Variants in SLC35F3 observed in about 807,000 individuals in gnomAD.
The protein encoded by SLC35F3 is putative thiamine transporter SLC35F3.
SLC35F3 carries 25 observed loss-of-function variants against 49.9 expected under a neutral mutation model. The observed-to-expected ratio is 0.50, with a 90% CI of 0.37 to 0.70. The LOEUF (loss-of-function observed/expected upper bound fraction) is 0.70, where lower values mean the gene tolerates loss of function less well. Among genes scored for constraint, SLC35F3 ranks in the 30% least tolerant of loss-of-function variants. The pLI is 0.00. For synonymous variants in SLC35F3, 275 were observed against 265.4 expected, an observed-to-expected ratio of 1.04 and a Z score of -0.35; for missense variants, 525 against 639.8, an observed-to-expected ratio of 0.82 and a Z score of 1.94.
At chr1:234,051,451 G>A (rs1177309249) in intron 2 of SLC35F3, among the ~76,000 whole-genome samples, 2 of 152,098 alleles carry the variant, frequency 1.3e-5, no homozygotes, top group Non-Finnish European at 2.9e-5. Flanking sequence ...GTCTGTTATT[G>A]GTGTATAGGA....
intron 2 of SLC35F3, among the ~76,000 whole-genome samples, chr1:233,992,583 AC>A (rs1663372885): frequency 1.3e-5 from 2 of 152,274 alleles, no homozygotes; most frequent in South Asian, 4.1e-4. Flanking sequence ...CGAGAATAGC[AC>A]CAAACCATTC....
intron 2 of SLC35F3, among the ~76,000 whole-genome samples, chr1:233,963,290 CTT>C (rs1662835629): frequency 6.6e-6 from 1 of 150,442 alleles, no homozygotes; most frequent in African/African-American, 2.4e-5. Flanking sequence ...TTTCTTTTTT[CTT>C]TCTTTCTTTT....
At chr1:234,275,867 C>T (rs1237274936) in intron 3 of SLC35F3, among the ~76,000 whole-genome samples, 1 of 151,788 alleles carries the variant, frequency 6.6e-6, no homozygotes, top group East Asian at 1.9e-4. Context: ...GCACTGTGCA[C>T]ATATTAAATA....
At position 234,074,285 on chromosome 1, in the gene SLC35F3, T is replaced by G. The variant is rs954957803; in HGVS notation, c.284-157132T>G. Among the ~76,000 whole-genome samples the G allele has an allele frequency of 2.0e-5, 3 of 152,324 alleles. No individual in the cohort carries two copies. The South Asian group carries it at 6.2e-4, about 32-fold the overall frequency. ...TTTCATTACCTGCTATTATCTCTTC[T>G]GGACCCACTTCTTTCTCTTTTGACT... On this transcript the variant is annotated intron_variant, in intron 2 of 7. Transcript: ENST00000366618.
chr1:234,173,923 T>G (rs1464817793), intron 2 of SLC35F3, among the ~76,000 whole-genome samples: 1 of 152,190 alleles, frequency 6.6e-6, no homozygotes, highest in South Asian at 2.1e-4. Context: ...AGCGATTTTC[T>G]CCTCTGGAGC....
At chr1:234,280,424 A>G (rs1668304456) in intron 3 of SLC35F3, among the ~76,000 whole-genome samples, 1 of 152,252 alleles carries the variant, frequency 6.6e-6, no homozygotes, top group African/African-American at 2.4e-5. Flanking sequence ...ATCATTAGAT[A>G]TATTCACTCT....
chr1:234,135,043 A>G (rs990283992), intron 2 of SLC35F3, among the ~76,000 whole-genome samples: 8 of 152,178 alleles, frequency 5.3e-5, no homozygotes, highest in Non-Finnish European at 1.0e-4. Flanking sequence ...TCTAATTTGC[A>G]TCCCAGGCAA....
chr1:234,232,169 C>A (rs1429031221), intron 3 of SLC35F3, among the ~76,000 whole-genome samples: 1 of 152,204 alleles, frequency 6.6e-6, no homozygotes, highest in East Asian at 1.9e-4. Context: ...CAGAGACTTC[C>A]TTACTCATCC....
At chr1:234,131,380 G>A (rs1364324366) in intron 2 of SLC35F3, among the ~76,000 whole-genome samples, 3 of 152,156 alleles carry the variant, frequency 2.0e-5, no homozygotes, top group African/African-American at 7.2e-5. Context: ...GTCATAGGAA[G>A]GCTGTGGCCC....
intron 2 of SLC35F3, among the ~76,000 whole-genome samples, chr1:234,087,123 G>A (rs1664973112): frequency 6.6e-6 from 1 of 152,128 alleles, no homozygotes; most frequent in South Asian, 2.1e-4. Flanking sequence ...TGCCTTTCTG[G>A]CCACCAGCAA....
intron 2 of SLC35F3, among the ~76,000 whole-genome samples, chr1:233,922,413 T>C (rs1239666498): frequency 6.6e-6 from 1 of 152,114 alleles, no homozygotes; most frequent in Non-Finnish European, 1.5e-5. Context: ...CATTTTTTCA[T>C]GTGTCTTTTG....
chr1:234,227,580 A>G (rs1667306817), intron 2 of SLC35F3, among the ~76,000 whole-genome samples: 1 of 151,866 alleles, frequency 6.6e-6, no homozygotes, highest in Admixed American at 6.6e-5. Context: ...TCGTATTTTT[A>G]GGAGAGACGG....
chr1:234,247,812 T>TTGGTGGG lies in SLC35F3; in HGVS notation c.608+16072_608+16073insGGTGGGT, dbSNP rs1274982498. On this transcript the variant is annotated intron_variant, in intron 3 of 7. Coordinates refer to ENST00000366618, the MANE Select transcript of SLC35F3 (RefSeq NM_173508.4). ...GTGGGTTGGTTGGCTGGTCCATTGTTTCATGGGTCAGTTGGCTGGTGCATT... is the reference window on the plus strand; with the variant it reads ...GTGGGTTGGTTGGCTGGTCCATTGTTTGGTGGGTCATGGGTCAGTTGGCTGGTGCATT... Among the ~76,000 whole-genome samples the TTGGTGGG allele has an allele frequency of 3.8e-3, 536 of 140,228 alleles. 8 individuals are homozygous for TTGGTGGG. Among genetic ancestry groups the TTGGTGGG allele is most frequent in the African/African-American group, 4.8e-3 (177 of 36,818 alleles). The allele number at this position is 140,228 out of a possible 152,430, so 92.0% of individuals were successfully genotyped here.
At chr1:234,299,720 G>A (rs1231921771) in intron 3 of SLC35F3, among the ~76,000 whole-genome samples, 1 of 144,674 alleles carries the variant, frequency 6.9e-6, no homozygotes, top group African/African-American at 2.6e-5. Context: ...CAGGAGAATG[G>A]CATGAACCTG....
In SLC35F3 at chr1:234,219,531, G is replaced by A. The variant is rs1239533620; in HGVS notation, c.284-11886G>A. 2.6e-5 allele frequency among the ~76,000 whole-genome samples: 4 copies of A among 152,322 alleles called. No homozygotes were observed. In the East Asian group the frequency reaches 7.7e-4, roughly 29 times the overall value. On this transcript the variant is annotated intron_variant, in intron 2 of 7. Transcript: ENST00000366618. ...CAGAGCTTCCAATCGAGTGAGGAAT[G>A]TCAGAAAGGCATACCAATAAAGAAT...
intron 2 of SLC35F3, among the ~76,000 whole-genome samples, chr1:234,048,708 C>T (rs1003526344): frequency 1.3e-5 from 2 of 152,170 alleles, no homozygotes; most frequent in African/African-American, 4.8e-5. Flanking sequence ...AGGGGTGGGA[C>T]CATTGCCCCA....
intron 2 of SLC35F3, among the ~76,000 whole-genome samples, chr1:233,952,886 A>G (rs1225669252): frequency 1.3e-5 from 2 of 151,916 alleles, no homozygotes; most frequent in East Asian, 3.9e-4. Flanking sequence ...TCCCCGCCCC[A>G]CAATTCTCTT....
intron 3 of SLC35F3, among the ~76,000 whole-genome samples, chr1:234,247,819 G>GTCAGTTGGCTGGTGCATTGTTTGATGGA: frequency 6.6e-6 from 1 of 151,930 alleles, no homozygotes; most frequent in African/African-American, 2.4e-5. Context: ...TGTTTCATGG[G>GTCAGTTGGCTGGTGCATTGTTTGATGGA]TCAGTTGGCT....
rs187173930 is a variant in SLC35F3, at chr1:234,080,940, C to G, written c.284-150477C>G. On this transcript the variant is annotated intron_variant, in intron 2 of 7. Transcript: ENST00000366618. ...GGATTTTTATCTCAATAAAAAATTGCAAAAAAAACCCTTCAAAGTAATATT... is the reference window on the plus strand; with the variant it reads ...GGATTTTTATCTCAATAAAAAATTGGAAAAAAAACCCTTCAAAGTAATATT... Among the ~76,000 whole-genome samples, 58 of 151,352 alleles carry G rather than the reference C, an allele frequency of 3.8e-4. 1 individual carries two copies. The East Asian group carries it at 0.011, about 28-fold the overall frequency.
Sources: gnomAD v4.1 joint callset for allele counts (sites outside exome capture counted in the v4.1 genomes callset) on GRCh38, gnomAD v4.1.1 for gene constraint, MANE v1.5 for transcripts, NCBI Gene and HGNC (gene_info 2026-07-23, HGNC 2026-07-21) for gene names.